The following NT5C3B variants were observed in gnomAD, a reference collection of about 807,000 sequenced individuals.
NT5C3B encodes the protein 7-methylguanosine phosphate-specific 5'-nucleotidase.
NT5C3B carries 28 observed loss-of-function variants against 32.5 expected under a neutral mutation model. That is an observed-to-expected ratio of 0.86 (90% CI 0.64 to 1.18). The LOEUF (loss-of-function observed/expected upper bound fraction) is 1.18. NT5C3B is among the 50% of genes most tolerant of loss of function. The probability of loss-of-function intolerance (pLI) is 0.00; values close to 1 mark genes in which losing one functional copy is unlikely to be tolerated. For missense variants in NT5C3B, 317 were observed against 322.0 expected (o/e 0.98, Z 0.12); for synonymous variants, 138 against 118.0 (o/e 1.17, Z -1.10).
At chr17:41,831,874 G>A (rs1202347995) in intron 5 of NT5C3B, among the ~76,000 whole-genome samples, 4 of 152,088 alleles carry the variant, frequency 2.6e-5, no homozygotes, top group African/African-American at 4.8e-5. Context: ...GGGTAACATG[G>A]TGAGACCCCA....
Position 41,828,946 on chromosome 17 carries a change from TC to T in NT5C3B, c.410del (p.Gly137AspfsTer34). 1 of 1,607,568 alleles carries T rather than the reference TC, an allele frequency of 6.2e-7. No homozygotes were observed. Among genetic ancestry groups the T allele is most frequent in the Non-Finnish European group, 8.5e-7 (1 of 1,174,826 alleles). On this transcript the variant is annotated frameshift_variant, in exon 7 of 9. Coordinates refer to ENST00000435506, the MANE Select transcript of NT5C3B (RefSeq NM_052935.5). LOFTEE classifies it high-confidence loss of function. Reference sequence around the variant, plus strand: ...AGAGTGTGTTGAAGAAGGTCTTATATCCCTCCCTGAAAAGAGATGGAGGAAT... The same window carrying T: ...AGAGTGTGTTGAAGAAGGTCTTATATCCTCCCTGAAAAGAGATGGAGGAAT... ...VRESNAMLRE[G>X]YKTFFNTLYH...
chr17:41,833,789 T>C (rs1190101342), intron 4 of NT5C3B, among the ~76,000 whole-genome samples: 1 of 152,226 alleles, frequency 6.6e-6, no homozygotes, highest in African/African-American at 2.4e-5. Flanking sequence ...ATCATGTGAA[T>C]GCACAGCATC....
chr17:41,836,146 G>A, intron 1 of NT5C3B, 36 bp downstream of exon 1: 1 of 1,312,722 alleles, frequency 7.6e-7, no homozygotes, highest in Non-Finnish European at 9.7e-7. Flanking sequence ...TCGGAGTCCG[G>A]GCCCGCCCCA....
At chr17:41,826,586 C>T (rs1331634428) in intron 8 of NT5C3B, among the ~76,000 whole-genome samples, 2 of 151,946 alleles carry the variant, frequency 1.3e-5, no homozygotes, top group Non-Finnish European at 2.9e-5. Flanking sequence ...TGCAGTGGCG[C>T]AATCTCAGCT....
At chr17:41,832,302 G>A in intron 5 of NT5C3B, 90 bp downstream of exon 5, 1 of 1,061,422 alleles carries the variant, frequency 9.4e-7, no homozygotes, top group Non-Finnish European at 1.4e-6. Context: ...AAGGGAGCCT[G>A]TCATCTCATC....
In NT5C3B at chr17:41,825,221, A is replaced by G. The variant is rs1679532043; in HGVS notation, c.*302T>C. ...AAAATTTTGATCTGTTTCACACATT[A>G]TATTTGTTTGAACTTCCCATGTTTA... On this transcript the variant is annotated 3_prime_UTR_variant, in exon 9 of 9. Transcript: ENST00000435506. The G allele has an allele frequency of 3.1e-6, 1 of 318,798 alleles. No homozygotes were observed. Among genetic ancestry groups the G allele is most frequent in the Admixed American group, 4.4e-5 (1 of 22,528 alleles). 19.7% of individuals were successfully genotyped at this position (318,798 alleles called of 1,614,324 possible). A position where few individuals can be genotyped will look rare whatever the true frequency, so the allele number is the denominator to read the frequency against.
At position 41,832,539 on chromosome 17, in the gene NT5C3B, C is replaced by A. The variant is rs1225760409; in HGVS notation, c.229-62G>T. The stretch of plus-strand genomic sequence containing the variant: ...ATATCAAGTTCTTCCCAGCAACGTC[C>A]TACAGCTTAGTATGAGAAAAAAGTC... On this transcript the variant is annotated intron_variant, in intron 4 of 8. Transcript: ENST00000435506. 3 of 1,479,368 alleles carry A rather than the reference C, an allele frequency of 2.0e-6. No individual in the cohort carries two copies. The African/African-American group carries it at 4.2e-5, about 21-fold the overall frequency. 91.6% of individuals were successfully genotyped at this position (1,479,368 alleles called of 1,614,324 possible). A position where few individuals can be genotyped will look rare whatever the true frequency, so the allele number is the denominator to read the frequency against.
intron 2 of NT5C3B, 109 bp from the exon 3 acceptor site, chr17:41,835,381 T>A (rs1318138739): frequency 1.1e-6 from 1 of 910,526 alleles, no homozygotes; most frequent in Non-Finnish European, 1.8e-6. Flanking sequence ...GTGGCCAGGA[T>A]GTAGGCAAAG....
At position 41,832,421 on chromosome 17, in the gene NT5C3B, G is replaced by T; in HGVS notation, c.285C>A (p.Val95=). 2 of 1,613,834 alleles carry T rather than the reference G, an allele frequency of 1.2e-6. No homozygotes were observed. The highest frequency in any genetic ancestry group is 1.7e-6 in the Non-Finnish European group (2 of 1,179,814). The stretch of plus-strand genomic sequence containing the variant: ...CCACCATATGAGGTAGCTTCTCCTT[G>T]ACGGTCCGGTGTGGGTCGATCTCAA... ...YPIEIDPHRT[V]KEKLPHMVEW... is the part of the protein sequence containing the mutation. The change falls in exon 5 of 9, where the codon GTC becomes GTA. Residue 95 remains valine, a synonymous_variant. Transcript: ENST00000435506.
At chr17:41,835,302 A>T in intron 2 of NT5C3B, 30 bp from the exon 3 acceptor site, 1 of 1,574,884 alleles carries the variant, frequency 6.3e-7, no homozygotes, top group Non-Finnish European at 8.7e-7. Flanking sequence ...TGATGCCTAA[A>T]TAGGCACCAG....
rs1597914052 is a variant in NT5C3B, at chr17:41,825,426, G to A, written c.*97C>T. 10 of 732,204 alleles carry A rather than the reference G, an allele frequency of 1.4e-5. No homozygotes were observed. In the East Asian group the frequency reaches 2.1e-4, roughly 16 times the overall value. 45.4% of individuals were successfully genotyped at this position (732,204 alleles called of 1,614,324 possible). A position where few individuals can be genotyped will look rare whatever the true frequency, so the allele number is the denominator to read the frequency against. On this transcript the variant is annotated 3_prime_UTR_variant, in exon 9 of 9. Transcript: ENST00000435506. ...GGCGCGGAAGGACCCAGCCACTGCT[G>A]GCCACCCTGGCCTCTGCTCTGTGTT...
Position 41,828,848 on chromosome 17 carries a change from ATC to A in NT5C3B, c.507_508del (p.Gln169HisfsTer13), listed in dbSNP as rs1555618607. On this transcript the variant is annotated frameshift_variant, in exon 7 of 9. Coordinates refer to ENST00000435506, the MANE Select transcript of NT5C3B (RefSeq NM_052935.5). LOFTEE classifies it high-confidence loss of function. The stretch of plus-strand genomic sequence containing the variant: ...GTGGATGTTGGGGTGGAACACTTTC[ATC>A]TGTCGGATAATTTCTTCCAGGATAT... The A allele has an allele frequency of 1.2e-6, 2 of 1,614,008 alleles. No homozygotes were observed. Among genetic ancestry groups the A allele is most frequent in the Non-Finnish European group, 1.7e-6 (2 of 1,179,932 alleles).
At chr17:41,835,758 C>T in intron 2 of NT5C3B, 101 bp downstream of exon 2, 1 of 1,206,426 alleles carries the variant, frequency 8.3e-7, no homozygotes, top group Non-Finnish European at 1.2e-6. Flanking sequence ...GGGCAGAGAG[C>T]TAGGAGGGGT....
chr17:41,830,992 C>A, intron 5 of NT5C3B, 102 bp from the exon 6 acceptor site: 1 of 779,046 alleles, frequency 1.3e-6, no homozygotes, highest in South Asian at 1.5e-5. Flanking sequence ...GCATTGCCGA[C>A]AGAGGCCTCA....
In NT5C3B at chr17:41,825,227, GT is replaced by G; in HGVS notation, c.*295del. On this transcript the variant is annotated 3_prime_UTR_variant, in exon 9 of 9. Transcript: ENST00000435506. ...TTGATCTGTTTCACACATTATATTT[GT>G]TTGAACTTCCCATGTTTAAAAATTT... The G allele has an allele frequency of 3.0e-6, 1 of 338,146 alleles. No individual in the cohort carries two copies. The highest frequency in any genetic ancestry group is 2.1e-5 in the African/African-American group (1 of 48,228). The allele number at this position is 338,146 out of a possible 1,614,324, so 20.9% of individuals were successfully genotyped here. A position where few individuals can be genotyped will look rare whatever the true frequency, so the allele number is the denominator to read the frequency against.
chr17:41,833,632 G>A (rs1411617184), intron 4 of NT5C3B, among the ~76,000 whole-genome samples: 2 of 152,028 alleles, frequency 1.3e-5, no homozygotes, highest in Non-Finnish European at 2.9e-5. Context: ...TTCTTTATAA[G>A]TTAATTACAA....
chr17:41,829,934 A>G (rs1472983518), intron 6 of NT5C3B, among the ~76,000 whole-genome samples: 1 of 152,078 alleles, frequency 6.6e-6, no homozygotes, highest in African/African-American at 2.4e-5. Context: ...TAGGGTACAA[A>G]CACTCCCACC....
intron 8 of NT5C3B, among the ~76,000 whole-genome samples, chr17:41,827,061 C>T (rs542302880): frequency 6.6e-6 from 1 of 150,722 alleles, no homozygotes; most frequent in East Asian, 1.9e-4. Flanking sequence ...AATCCCAGCA[C>T]TTTTGGAGGC....
chr17:41,832,285 G>T, intron 5 of NT5C3B, 107 bp downstream of exon 5: 2 of 894,480 alleles, frequency 2.2e-6, no homozygotes, highest in Non-Finnish European at 3.6e-6. Context: ...TAAGCCCTCA[G>T]TGAAGTAAGG....
Sources: gnomAD v4.1 joint callset for allele counts (sites outside exome capture counted in the v4.1 genomes callset) on GRCh38, gnomAD v4.1.1 for gene constraint, MANE v1.5 for transcripts, NCBI Gene and HGNC (gene_info 2026-07-23, HGNC 2026-07-21) for gene names.